LRRIQ3: variants seen among roughly 807,000 people sequenced by gnomAD.
LRRIQ3 encodes leucine-rich repeat and IQ domain-containing protein 3.
LRRIQ3 carries 75 observed loss-of-function variants against 59.3 expected under a neutral mutation model. That is an observed-to-expected ratio of 1.26 (90% CI 1.05 to 1.53). The LOEUF (loss-of-function observed/expected upper bound fraction) is 1.53. LRRIQ3 is among the 40% of genes most tolerant of loss of function. The probability of loss-of-function intolerance (pLI) is 0.00; values close to 1 mark genes in which losing one functional copy is unlikely to be tolerated. For synonymous variants in LRRIQ3, 250 were observed against 231.3 expected (o/e 1.08, Z -0.73); for missense variants, 831 against 710.0 (o/e 1.17, Z -1.94).
intron 4 of LRRIQ3, among the ~76,000 whole-genome samples, chr1:74,109,873 A>G (rs1193365331): frequency 6.6e-6 from 1 of 151,708 alleles, no homozygotes; most frequent in African/African-American, 2.4e-5. Flanking sequence ...CATAAGGTAA[A>G]CAGTGTGAAG....
chr1:74,141,397 G>C (rs1647250295), intron 4 of LRRIQ3, among the ~76,000 whole-genome samples: 1 of 151,714 alleles, frequency 6.6e-6, no homozygotes, highest in Non-Finnish European at 1.5e-5. Context: ...CACGGTTTGA[G>C]CTAATATTTT....
chr1:74,033,796 T>G (rs1456666926), intron 7 of LRRIQ3, among the ~76,000 whole-genome samples: 1 of 151,926 alleles, frequency 6.6e-6, no homozygotes, highest in African/African-American at 2.4e-5. Flanking sequence ...GATGACCAAA[T>G]AAGGACAAGT....
chr1:74,033,566 G>A (rs2100365385), intron 7 of LRRIQ3, among the ~76,000 whole-genome samples: 1 of 152,006 alleles, frequency 6.6e-6, no homozygotes, highest in East Asian at 1.9e-4. Flanking sequence ...GTGATAAGAG[G>A]ATCTTTGTAT....
At chr1:74,182,957 C>T (rs887906356) in intron 2 of LRRIQ3, 96 bp from the exon 3 acceptor site, 7 of 629,094 alleles carry the variant, frequency 1.1e-5, no homozygotes, top group Non-Finnish European at 1.0e-5. Flanking sequence ...TTCAATATTC[C>T]CCAAATAGCA....
At chr1:74,037,821 G>A (rs1340525031) in intron 7 of LRRIQ3, among the ~76,000 whole-genome samples, 1 of 152,124 alleles carries the variant, frequency 6.6e-6, no homozygotes, top group Non-Finnish European at 1.5e-5. Flanking sequence ...CCCAGCCTAG[G>A]AAACCGTGCT....
At chr1:74,171,952 GT>G (rs1649348245) in intron 3 of LRRIQ3, among the ~76,000 whole-genome samples, 1 of 151,972 alleles carries the variant, frequency 6.6e-6, no homozygotes, top group South Asian at 2.1e-4. Flanking sequence ...TTTTATATCT[GT>G]GGCATTAATT....
intron 5 of LRRIQ3, among the ~76,000 whole-genome samples, chr1:74,088,226 C>T (rs1184253997): frequency 6.6e-6 from 1 of 152,046 alleles, no homozygotes; most frequent in Non-Finnish European, 1.5e-5. Context: ...AAATTACAAA[C>T]ATTTCGTAAG....
chr1:74,074,817 CAAT>C, intron 5 of LRRIQ3, 27 bp from the exon 6 acceptor site: 2 of 1,131,024 alleles, frequency 1.8e-6, no homozygotes, highest in Non-Finnish European at 2.4e-6. Flanking sequence ...AAAGCAATGA[CAAT>C]GATAATATCT....
At chr1:74,059,599 T>C (rs1230412270) in intron 6 of LRRIQ3, among the ~76,000 whole-genome samples, 1 of 152,112 alleles carries the variant, frequency 6.6e-6, no homozygotes, top group Non-Finnish European at 1.5e-5. Context: ...TTAATTACTG[T>C]AGCTTTGCAG....
At chr1:74,149,631 T>G (rs1397276849) in intron 4 of LRRIQ3, among the ~76,000 whole-genome samples, 2 of 152,184 alleles carry the variant, frequency 1.3e-5, no homozygotes, top group South Asian at 2.1e-4. Context: ...CATTTTCTCA[T>G]GTTTATTGTA....
intron 2 of LRRIQ3, 92 bp downstream of exon 2, chr1:74,183,344 G>A (rs1650126625): frequency 2.7e-6 from 3 of 1,122,236 alleles, no homozygotes; most frequent in Non-Finnish European, 3.7e-6. Flanking sequence ...AAAAGACCAT[G>A]TTGAAGAAAT....
At chr1:74,046,658 G>A (rs1174716583) in intron 6 of LRRIQ3, among the ~76,000 whole-genome samples, 1 of 152,126 alleles carries the variant, frequency 6.6e-6, no homozygotes, top group Non-Finnish European at 1.5e-5. Flanking sequence ...AGAGTGAACA[G>A]GCAACCTATA....
At chr1:74,169,690 T>C (rs1649203832) in intron 3 of LRRIQ3, among the ~76,000 whole-genome samples, 1 of 152,010 alleles carries the variant, frequency 6.6e-6, no homozygotes, top group African/African-American at 2.4e-5. Flanking sequence ...TAGCTGAGAC[T>C]ACAAGTGCAC....
chr1:74,124,227 A>G (rs944844839), intron 4 of LRRIQ3, among the ~76,000 whole-genome samples: 10 of 151,810 alleles, frequency 6.6e-5, no homozygotes, highest in African/African-American at 2.4e-4. Context: ...ATTTTTTCCT[A>G]TAGAGTTGTT....
At chr1:74,185,695 G>A (rs1349396603) in intron 1 of LRRIQ3, among the ~76,000 whole-genome samples, 2 of 152,108 alleles carry the variant, frequency 1.3e-5, no homozygotes, top group Non-Finnish European at 2.9e-5. Flanking sequence ...TGTAATCCCA[G>A]CACTTTGGGA....
At chr1:74,108,148 T>C (rs1646639564) in intron 5 of LRRIQ3, among the ~76,000 whole-genome samples, 1 of 151,798 alleles carries the variant, frequency 6.6e-6, no homozygotes, top group Non-Finnish European at 1.5e-5. Flanking sequence ...GTTGTCAATA[T>C]ATTCAAATTA....
intron 4 of LRRIQ3, among the ~76,000 whole-genome samples, chr1:74,144,822 A>G (rs1342033954): frequency 6.6e-6 from 1 of 151,588 alleles, no homozygotes; most frequent in Non-Finnish European, 1.5e-5. Context: ...TTTTATCCTA[A>G]TTCATACATG....
At position 74,126,067 on chromosome 1, in the gene LRRIQ3, C is replaced by T. The variant is rs184487417; in HGVS notation, c.708-16514G>A. Among the ~76,000 whole-genome samples, 247 of 151,768 alleles carry T rather than the reference C, an allele frequency of 1.6e-3. 1 individual carries two copies. Among genetic ancestry groups the T allele is most frequent in the Non-Finnish European group, 1.6e-3 (108 of 67,740 alleles). ...TCTGTTTAGGTTTTGGATCGTTTCA[C>T]GGTTCAATCTTAGTAAGTTGTATGT... On this transcript the variant is annotated intron_variant, in intron 4 of 7. Transcript: ENST00000354431.
At chr1:74,107,496 T>A (rs1646630956) in intron 5 of LRRIQ3, among the ~76,000 whole-genome samples, 1 of 151,354 alleles carries the variant, frequency 6.6e-6, no homozygotes, top group Admixed American at 6.6e-5. Flanking sequence ...GATATTATTA[T>A]TTTTACCACT....
Sources: allele counts gnomAD v4.1 joint callset (sites outside exome capture counted in the v4.1 genomes callset), GRCh38; gene constraint gnomAD v4.1.1; transcripts MANE v1.5; gene names NCBI Gene and HGNC (gene_info 2026-07-23, HGNC 2026-07-21).